RPRD2: variants seen among roughly 807,000 people sequenced by gnomAD.
The protein encoded by RPRD2 is regulation of nuclear pre-mRNA domain-containing protein 2.
Under a neutral mutation model 104.4 loss-of-function variants are expected in RPRD2, and 12 were observed. The observed-to-expected ratio is 0.11, with a 90% confidence interval of 0.07 to 0.19. The LOEUF is 0.19. RPRD2 is among the 10% of genes least tolerant of loss of function. The probability of loss-of-function intolerance (pLI) is 1.00; values close to 1 mark genes in which losing one functional copy is unlikely to be tolerated. For missense variants in RPRD2, 1,543 were observed against 1,790.1 expected (o/e 0.86, Z 2.49); for synonymous variants, 714 against 684.9 (o/e 1.04, Z -0.66).
intron 2 of RPRD2, among the ~76,000 whole-genome samples, chr1:150,430,885 C>T (rs1298179096): frequency 6.6e-6 from 1 of 151,762 alleles, no homozygotes; most frequent in African/African-American, 2.4e-5. Context: ...TGAGATCGCG[C>T]CGTTGCACTC....
At chr1:150,400,990 C>T (rs987126976) in intron 1 of RPRD2, among the ~76,000 whole-genome samples, 3 of 151,462 alleles carry the variant, frequency 2.0e-5, no homozygotes, top group Admixed American at 2.0e-4. Context: ...TCCTGGCTAA[C>T]GCGGTGAAAC....
rs145786676 is a variant in RPRD2, at chr1:150,454,158, C to A, written c.871-3130C>A. On this transcript the variant is annotated intron_variant, in intron 7 of 10. Transcript: ENST00000369068. ...ATATCTTGAAGGAAAAATTGTTGAG[C>A]CAGTTCTCTCTTTCATCAGAATCTT... 1.0e-3 allele frequency among the ~76,000 whole-genome samples: 158 copies of A among 152,284 alleles called. 7 individuals are homozygous for A. The East Asian group carries it at 0.027, about 26-fold the overall frequency.
rs1208689680 is a variant in RPRD2, at chr1:150,473,010, A to G, written c.4062A>G (p.Gln1354=). 2 of 1,613,960 alleles carry G rather than the reference A, an allele frequency of 1.2e-6. No individual in the cohort carries two copies. The part of the protein sequence containing the change: ...PGPRDHGGPT[Q]RDLNGPGLSR... ...CCAGGGACCACGGGGGCCCCACCCA[A>G]CGGGACCTCAACGGCCCTGGCCTTA... The change falls in exon 11 of 11, where the codon CAA becomes CAG. Residue 1354 remains glutamine (Q), a synonymous_variant. Transcript: ENST00000369068.
intron 2 of RPRD2, among the ~76,000 whole-genome samples, chr1:150,429,384 CT>C (rs1307126311): frequency 6.6e-6 from 1 of 151,690 alleles, no homozygotes; most frequent in African/African-American, 2.4e-5. Flanking sequence ...CCAGTAGTGG[CT>C]TTTTAACCTC....
intron 1 of RPRD2, among the ~76,000 whole-genome samples, chr1:150,406,783 C>T (rs782047127): frequency 7.2e-5 from 11 of 152,148 alleles, no homozygotes; most frequent in Non-Finnish European, 1.2e-4. Context: ...GGCGTGATCT[C>T]GGCTCATTGC....
chr1:150,388,316 ATATG>A (rs1661756576), intron 1 of RPRD2, among the ~76,000 whole-genome samples: 1 of 151,806 alleles, frequency 6.6e-6, no homozygotes, highest in Non-Finnish European at 1.5e-5. Flanking sequence ...GTGTGTGTAT[ATATG>A]TATGTGTATA....
intron 1 of RPRD2, among the ~76,000 whole-genome samples, chr1:150,374,182 G>C (rs1041155939): frequency 2.6e-5 from 4 of 152,072 alleles, no homozygotes; most frequent in Non-Finnish European, 5.9e-5. Flanking sequence ...AGTGGCCAGT[G>C]GTTTAATTAA....
At chr1:150,422,367 T>TAATAATAATAATAAA (rs1407375626) in intron 2 of RPRD2, among the ~76,000 whole-genome samples, 1,411 of 111,968 alleles carry the variant, frequency 0.013, 11 homozygotes, top group Admixed American at 0.016. Flanking sequence ...ATAATAATAA[T>TAATAATAATAATAAA]AAATAAAATT....
intron 1 of RPRD2, among the ~76,000 whole-genome samples, chr1:150,407,258 C>T (rs587702613): frequency 1.4e-4 from 21 of 152,092 alleles, no homozygotes; most frequent in African/African-American, 4.8e-4. Flanking sequence ...TTAGTATCTC[C>T]CCAGATAAAC....
intron 1 of RPRD2, among the ~76,000 whole-genome samples, chr1:150,402,826 G>C (rs1448135862): frequency 6.6e-6 from 1 of 152,128 alleles, no homozygotes; most frequent in Non-Finnish European, 1.5e-5. Flanking sequence ...AATTAGCCGG[G>C]CATGATGGCA....
intron 1 of RPRD2, among the ~76,000 whole-genome samples, chr1:150,389,998 ACT>A (rs1661943506): frequency 6.6e-6 from 1 of 152,088 alleles, no homozygotes; most frequent in Non-Finnish European, 1.5e-5. Context: ...ACTGCCCTTG[ACT>A]CTCTGCCAGA....
At chr1:150,365,314 G>A (rs1302721492) in intron 1 of RPRD2, among the ~76,000 whole-genome samples, 1 of 152,194 alleles carries the variant, frequency 6.6e-6, no homozygotes, top group Non-Finnish European at 1.5e-5. Flanking sequence ...TGGTAGGCGA[G>A]CTGTGGTTTT....
rs1160491386 is a variant in RPRD2, at chr1:150,431,473, A to ATTTTTTTTTTTTTTT, written c.336-9440_336-9426dup. 2.5e-4 allele frequency among the ~76,000 whole-genome samples: 20 copies of ATTTTTTTTTTTTTTT among 78,838 alleles called. 2 individuals carry two copies. The highest frequency in any genetic ancestry group is 1.2e-3 in the South Asian group (2 of 1,612). The allele number at this position is 78,838 out of a possible 152,430, so 51.7% of individuals were successfully genotyped here. ...TATTATTCAGTCTTAAAAAGGAAGG[A>ATTTTTTTTTTTTTTT]TTTTTTTTTTTTTTTTTTTTTTTTG... On this transcript the variant is annotated intron_variant, in intron 2 of 10. Transcript: ENST00000369068.
In RPRD2 at chr1:150,472,320, A is replaced by C; in HGVS notation, c.3372A>C (p.Ser1124=). 6.2e-7 allele frequency: 1 copy of C among 1,613,950 alleles called. No homozygotes were observed. Among genetic ancestry groups the C allele is most frequent in the Non-Finnish European group, 8.5e-7 (1 of 1,179,874 alleles). Residue 1124 remains serine (S), a synonymous_variant, in exon 11 of 11, where the codon TCA becomes TCC. Transcript: ENST00000369068. The stretch of plus-strand genomic sequence containing the variant: ...ATAGAGGACATGGGCGTGAGGCTTC[A>C]AGGGTGGGTTGGTTTGATCTGAGCA... ...KGNRGHGREA[S]RVGWFDLSTS...
intron 1 of RPRD2, among the ~76,000 whole-genome samples, chr1:150,398,322 A>G (rs1048451374): frequency 2.5e-4 from 38 of 151,424 alleles, no homozygotes; most frequent in Non-Finnish European, 4.1e-4. Context: ...TCAGCCTCCC[A>G]AGTAGCTGGG....
intron 1 of RPRD2, among the ~76,000 whole-genome samples, chr1:150,369,441 ATTTTTT>A (rs58054758): frequency 5.2e-5 from 3 of 57,498 alleles, no homozygotes; most frequent in African/African-American, 6.7e-5. Context: ...CACCTGGCTA[ATTTTTT>A]TTTTTTTTTT....
At chr1:150,372,301 C>T (rs1331845935) in intron 1 of RPRD2, among the ~76,000 whole-genome samples, 1 of 152,104 alleles carries the variant, frequency 6.6e-6, no homozygotes, top group Admixed American at 6.6e-5. Flanking sequence ...AGCAGGAGAA[C>T]AAAATGAACA....
chr1:150,440,356 C>A (rs1666334108), intron 2 of RPRD2, among the ~76,000 whole-genome samples: 1 of 152,226 alleles, frequency 6.6e-6, no homozygotes, highest in African/African-American at 2.4e-5. Context: ...GCGTGAGCCA[C>A]TGTGCCCAGC....
chr1:150,472,422 C>T lies in RPRD2; in HGVS notation c.3474C>T (p.Gly1158=). 1.9e-6 allele frequency: 3 copies of T among 1,613,934 alleles called. No homozygotes were observed. The highest frequency in any genetic ancestry group is 2.5e-6 in the Non-Finnish European group (3 of 1,179,876). The change falls in exon 11 of 11, where the codon GGC becomes GGT. Residue 1158 remains glycine (G), a synonymous_variant. Coordinates refer to ENST00000369068, the MANE Select transcript of RPRD2 (RefSeq NM_015203.5). ...LASLGGGGSG[G]LTGFKTAPYK... Reference sequence around the variant, plus strand: ...CCCTTGGGGGTGGGGGCAGCGGAGGCCTCACTGGCTTTAAAACAGCACCAT... The same window carrying T: ...CCCTTGGGGGTGGGGGCAGCGGAGGTCTCACTGGCTTTAAAACAGCACCAT...
Sources: gnomAD v4.1 joint callset for allele counts (sites outside exome capture counted in the v4.1 genomes callset) on GRCh38, gnomAD v4.1.1 for gene constraint, MANE v1.5 for transcripts, NCBI Gene and HGNC (gene_info 2026-07-23, HGNC 2026-07-21) for gene names.